Variants in MEIKIN observed in about 807,000 individuals in gnomAD.
MEIKIN encodes the protein meiosis-specific kinetochore protein.
intron 12 of MEIKIN, among the ~76,000 whole-genome samples, chr5:131,813,839 A>G (rs1773050416): frequency 1.3e-5 from 2 of 152,170 alleles, no homozygotes; most frequent in South Asian, 4.1e-4. Flanking sequence ...AATACAATAT[A>G]TATACATAAA....
At chr5:131,816,527 C>T (rs1773104449) in intron 12 of MEIKIN, among the ~76,000 whole-genome samples, 1 of 152,198 alleles carries the variant, frequency 6.6e-6, no homozygotes, top group African/African-American at 2.4e-5. Context: ...ATACAGTTTG[C>T]AAACTTGCCC....
At chr5:131,893,764 A>G (rs1241780117) in intron 8 of MEIKIN, among the ~76,000 whole-genome samples, 3 of 152,166 alleles carry the variant, frequency 2.0e-5, no homozygotes, top group African/African-American at 7.2e-5. Context: ...TTCCTTGCAG[A>G]TTCAGGATAT....
chr5:131,926,570 TCTC>T (rs1449736394), intron 5 of MEIKIN, among the ~76,000 whole-genome samples: 1 of 152,210 alleles, frequency 6.6e-6, no homozygotes. Flanking sequence ...GAAAGTGTCT[TCTC>T]CTCTTTAATT....
At chr5:131,848,915 A>T (rs1278870916) in intron 11 of MEIKIN, among the ~76,000 whole-genome samples, 1 of 152,230 alleles carries the variant, frequency 6.6e-6, no homozygotes, top group Non-Finnish European at 1.5e-5. Flanking sequence ...ACTTAAAAAA[A>T]ATCAATCACT....
chr5:131,842,367 C>A (rs955208505), intron 11 of MEIKIN, among the ~76,000 whole-genome samples: 5 of 152,110 alleles, frequency 3.3e-5, no homozygotes. Flanking sequence ...AGAATGGGTA[C>A]TCAGGTCTTG....
At chr5:131,863,390 G>A (rs563503501) in intron 9 of MEIKIN, among the ~76,000 whole-genome samples, 3 of 152,108 alleles carry the variant, frequency 2.0e-5, no homozygotes, top group Middle Eastern at 3.4e-3. Context: ...GAGTGAGTGG[G>A]GTGTTGAAGT....
intron 5 of MEIKIN, among the ~76,000 whole-genome samples, chr5:131,927,969 C>A (rs943961685): frequency 1.3e-5 from 2 of 151,750 alleles, no homozygotes; most frequent in African/African-American, 4.8e-5. Flanking sequence ...CACGGTGAAA[C>A]CCCGTCTCTA....
intron 11 of MEIKIN, among the ~76,000 whole-genome samples, chr5:131,831,759 T>G (rs1009188542): frequency 6.6e-6 from 1 of 152,090 alleles, no homozygotes; most frequent in Non-Finnish European, 1.5e-5. Context: ...CTCAGAATCA[T>G]CGCAGGAGGT....
intron 9 of MEIKIN, among the ~76,000 whole-genome samples, chr5:131,870,203 TC>T (rs1750461794): frequency 6.6e-6 from 1 of 152,156 alleles, no homozygotes; most frequent in African/African-American, 2.4e-5. Context: ...TATTAAGCAC[TC>T]ATAATAATTA....
intron 8 of MEIKIN, among the ~76,000 whole-genome samples, chr5:131,888,627 T>C (rs972638774): frequency 6.6e-6 from 1 of 152,022 alleles, no homozygotes; most frequent in Non-Finnish European, 1.5e-5. Flanking sequence ...GTCAGATGAG[T>C]AGATTGCAAA....
At chr5:131,881,201 A>G (rs1316177355) in intron 8 of MEIKIN, among the ~76,000 whole-genome samples, 7 of 152,252 alleles carry the variant, frequency 4.6e-5, no homozygotes, top group Admixed American at 1.3e-4. Context: ...CTGTTAACCA[A>G]CATGGAGGAT....
At chr5:131,855,971 C>A (rs372233987) in intron 9 of MEIKIN, among the ~76,000 whole-genome samples, 54 of 152,252 alleles carry the variant, frequency 3.5e-4, no homozygotes, top group East Asian at 2.7e-3. Context: ...GATAAATGTT[C>A]TTTTTGAGTA....
intron 8 of MEIKIN, among the ~76,000 whole-genome samples, chr5:131,908,940 G>A (rs1320036706): frequency 6.6e-6 from 1 of 152,064 alleles, no homozygotes; most frequent in Non-Finnish European, 1.5e-5. Flanking sequence ...GCAAAAAATT[G>A]GAAAGATATT....
intron 8 of MEIKIN, among the ~76,000 whole-genome samples, chr5:131,901,159 C>T (rs1190274982): frequency 6.6e-6 from 1 of 152,132 alleles, no homozygotes; most frequent in African/African-American, 2.4e-5. Context: ...AAGGCCACTG[C>T]CACTCACATG....
At chr5:131,883,582 A>G (rs1423620820) in intron 8 of MEIKIN, among the ~76,000 whole-genome samples, 4 of 152,194 alleles carry the variant, frequency 2.6e-5, no homozygotes. Flanking sequence ...TGAATTAAGA[A>G]ATGTATAAGG....
intron 7 of MEIKIN, among the ~76,000 whole-genome samples, chr5:131,912,689 C>T (rs543650312): frequency 2.3e-4 from 35 of 152,170 alleles, no homozygotes; most frequent in Non-Finnish European, 3.5e-4. Flanking sequence ...AGTACCTTCT[C>T]GCCTCTGAAT....
chr5:131,841,623 T>G (rs921191205), intron 11 of MEIKIN, among the ~76,000 whole-genome samples: 1 of 152,214 alleles, frequency 6.6e-6, no homozygotes, highest in Admixed American at 6.5e-5. Context: ...TCTATTTCTG[T>G]GAAAAATTAC....
intron 9 of MEIKIN, among the ~76,000 whole-genome samples, chr5:131,873,163 G>A (rs1195138526): frequency 1.3e-5 from 2 of 152,186 alleles, no homozygotes; most frequent in African/African-American, 2.4e-5. Context: ...AACTTTGAAT[G>A]TAAAGGGACT....
intron 7 of MEIKIN, among the ~76,000 whole-genome samples, chr5:131,913,926 C>G (rs1296499406): frequency 6.6e-6 from 1 of 152,140 alleles, no homozygotes; most frequent in Non-Finnish European, 1.5e-5. Context: ...AATTTAATAG[C>G]CAACGTGGTA....
Sources: allele counts gnomAD v4.1 joint callset (sites outside exome capture counted in the v4.1 genomes callset), GRCh38; gene constraint gnomAD v4.1.1; transcripts MANE v1.5; gene names NCBI Gene and HGNC (gene_info 2026-07-23, HGNC 2026-07-21).